Variants in DNAH9 observed in about 807,000 individuals in gnomAD.
DNAH9 encodes dynein axonemal heavy chain 9.
DNAH9 carries 345 observed loss-of-function variants against 471.6 expected under a neutral mutation model. The observed-to-expected ratio is 0.73, with a 90% CI of 0.67 to 0.80. The LOEUF (loss-of-function observed/expected upper bound fraction) is 0.80, where lower values mean the gene tolerates loss of function less well. DNAH9 is among the 30% of genes least tolerant of loss of function. The pLI is 0.00. For synonymous variants in DNAH9, 2,093 were observed against 2,123.6 expected (o/e 0.99, Z 0.40); for missense variants, 5,407 against 5,609.2 (o/e 0.96, Z 1.15).
chr17:11,724,402 T>C (rs2075116808), intron 27 of DNAH9, among the ~76,000 whole-genome samples: 1 of 152,228 alleles, frequency 6.6e-6, no homozygotes, highest in Non-Finnish European at 1.5e-5. Flanking sequence ...CTTTTTTAGC[T>C]CTCACATATG....
At chr17:11,823,594 CTAAG>C (rs1567827570) in intron 48 of DNAH9, among the ~76,000 whole-genome samples, 1 of 152,224 alleles carries the variant, frequency 6.6e-6, no homozygotes, top group African/African-American at 2.4e-5. Context: ...TCATGCATCT[CTAAG>C]TAGTCATCTA....
At chr17:11,608,799 T>C (rs940135581) in intron 2 of DNAH9, among the ~76,000 whole-genome samples, 1 of 152,112 alleles carries the variant, frequency 6.6e-6, no homozygotes. Flanking sequence ...GTCCTGGGGA[T>C]TTTTTTCTCT....
chr17:11,600,099 G>A (rs942240385), intron 1 of DNAH9, among the ~76,000 whole-genome samples: 1 of 152,118 alleles, frequency 6.6e-6, no homozygotes, highest in Admixed American at 6.5e-5. Context: ...GACACAGAGG[G>A]CCCAGGAAGC....
chr17:11,762,758 G>GTTTTTTTTTTTTTTTTTTTTTTTTTTTT lies in DNAH9; in HGVS notation c.6996-671_6996-670insTTTTTTTTTTTTTTTTTTTTTTTTTTTT, dbSNP rs111963634. Among the ~76,000 whole-genome samples the GTTTTTTTTTTTTTTTTTTTTTTTTTTTT allele has an allele frequency of 4.2e-5, 4 of 94,770 alleles. 1 individual carries two copies. The highest frequency in any genetic ancestry group is 1.4e-4 in the Admixed American group (1 of 7,294). The allele number at this position is 94,770 out of a possible 152,430, so 62.2% of individuals were successfully genotyped here. A position where few individuals can be genotyped will look rare whatever the true frequency, so the allele number is the denominator to read the frequency against. On this transcript the variant is annotated intron_variant, in intron 35 of 68. Transcript: ENST00000262442. ...GCACCAAAATTGCCTCTTTAGGTGCGTTTTTTTTTTTGTTTTTTTTTTTTT... is the reference window on the plus strand; with the variant it reads ...GCACCAAAATTGCCTCTTTAGGTGCGTTTTTTTTTTTTTTTTTTTTTTTTTTTTTTTTTTTTTTTGTTTTTTTTTTTTT...
chr17:11,966,312 A>C (rs1976719331), intron 68 of DNAH9, among the ~76,000 whole-genome samples: 2 of 152,350 alleles, frequency 1.3e-5, no homozygotes, highest in South Asian at 4.1e-4. Flanking sequence ...TGGCATAGTC[A>C]AAATGCTGAA....
At position 11,623,007 on chromosome 17, in the gene DNAH9, C is replaced by CT. The variant is rs2072901657; in HGVS notation, c.1350+3228dup. Among the ~76,000 whole-genome samples the CT allele has an allele frequency of 9.1e-6, 1 of 109,368 alleles. No individual in the cohort carries two copies. Among genetic ancestry groups the CT allele is most frequent in the Non-Finnish European group, 1.7e-5 (1 of 57,328 alleles). The allele number at this position is 109,368 out of a possible 152,430, so 71.7% of individuals were successfully genotyped here. A position where few individuals can be genotyped will look rare whatever the true frequency, so the allele number is the denominator to read the frequency against. On this transcript the variant is annotated intron_variant, in intron 6 of 68. Transcript: ENST00000262442. The surrounding 1 kb of genome is among the most constrained non-coding windows in gnomAD (Gnocchi z 4.1). The stretch of plus-strand genomic sequence containing the variant: ...TTTTTTCTCGAGATGGAGTTTTGCT[C>CT]TTGTTGCCCAGGCTGGAGTGCAGTG...
At chr17:11,967,108 T>G (rs2151458227) in intron 68 of DNAH9, among the ~76,000 whole-genome samples, 1 of 151,470 alleles carries the variant, frequency 6.6e-6, no homozygotes, top group Non-Finnish European at 1.5e-5. Flanking sequence ...ATATTTTTTG[T>G]TTTTTGTTTT....
chr17:11,608,253 AG>A lies in DNAH9; in HGVS notation c.545del (p.Gly182GlufsTer28). 1 of 1,614,010 alleles carries A rather than the reference AG, an allele frequency of 6.2e-7. No individual in the cohort carries two copies. The highest frequency in any genetic ancestry group is 8.5e-7 in the Non-Finnish European group (1 of 1,179,932). ...CDLSVILEQV[K>X]GKTLLPLPAG... ...CTCTCAGTTATACTTGAGCAAGTGA[AG>A]GGAAAAACTTTGCTGCCTCTTCCAG... On this transcript the variant is annotated frameshift_variant, in exon 2 of 69. Transcript: ENST00000262442. LOFTEE classifies it high-confidence loss of function.
chr17:11,739,137 C>T, intron 29 of DNAH9, 100 bp downstream of exon 29: 1 of 1,244,598 alleles, frequency 8.0e-7, no homozygotes, highest in South Asian at 1.6e-5. Flanking sequence ...AAATTTGGAA[C>T]ATTTGGAAAA....
At position 11,742,642 on chromosome 17, in the gene DNAH9, T is replaced by TGAGG. The variant is rs563020832; in HGVS notation, c.6111+330_6111+333dup. 2.7e-4 allele frequency among the ~76,000 whole-genome samples: 41 copies of TGAGG among 152,264 alleles called. No individual in the cohort carries two copies. The South Asian group carries it at 4.6e-3, about 17-fold the overall frequency. On this transcript the variant is annotated intron_variant, in intron 30 of 68. Coordinates refer to ENST00000262442, the MANE Select transcript of DNAH9 (RefSeq NM_001372.4). ...TGGTCTGTACCTGAAGGGGCATAGA[T>TGAGG]GAGGAGGGTTAGGGAAGCAGGTTAA...
At chr17:11,689,477 TA>T in intron 19 of DNAH9, 88 bp from the exon 20 acceptor site, 1 of 1,132,398 alleles carries the variant, frequency 8.8e-7, no homozygotes, top group Non-Finnish European at 1.3e-6. Flanking sequence ...ACCAAGCATT[TA>T]AATATTTCAG....
At chr17:11,885,377 T>G (rs920444996) in intron 56 of DNAH9, among the ~76,000 whole-genome samples, 1 of 152,196 alleles carries the variant, frequency 6.6e-6, no homozygotes, top group South Asian at 2.1e-4. Flanking sequence ...TGGCCTGAGT[T>G]TCCGTTGTAT....
intron 26 of DNAH9, among the ~76,000 whole-genome samples, chr17:11,718,712 CAATG>C (rs1468135548): frequency 6.6e-6 from 1 of 152,130 alleles, no homozygotes; most frequent in East Asian, 1.9e-4. Context: ...GGAGATTAAA[CAATG>C]AATAAGATAT....
chr17:11,718,014 C>T (rs2074994700), intron 26 of DNAH9, among the ~76,000 whole-genome samples: 1 of 149,860 alleles, frequency 6.7e-6, no homozygotes, highest in South Asian at 2.2e-4. Context: ...GCTGGAATTA[C>T]AGGCGCACTA....
At chr17:11,833,329 G>A (rs1421364156) in intron 48 of DNAH9, among the ~76,000 whole-genome samples, 1 of 152,222 alleles carries the variant, frequency 6.6e-6, no homozygotes, top group East Asian at 1.9e-4. Flanking sequence ...TAAATAAATG[G>A]AGACCAATCA....
chr17:11,676,872 A>G (rs1307066442), intron 17 of DNAH9, among the ~76,000 whole-genome samples: 1 of 152,076 alleles, frequency 6.6e-6, no homozygotes, highest in Non-Finnish European at 1.5e-5. Flanking sequence ...TATTCTCATT[A>G]CAATTTAGTT....
At chr17:11,731,754 A>G (rs2075274574) in intron 28 of DNAH9, among the ~76,000 whole-genome samples, 1 of 152,074 alleles carries the variant, frequency 6.6e-6, no homozygotes, top group South Asian at 2.1e-4. Flanking sequence ...GCTACGTAGT[A>G]TTCCATGGTG....
intron 44 of DNAH9, among the ~76,000 whole-genome samples, chr17:11,809,522 G>A (rs896174613): frequency 3.9e-5 from 6 of 152,020 alleles, no homozygotes; most frequent in African/African-American, 1.4e-4. Context: ...AGCCGAGATG[G>A]TGCCACTGCA....
intron 57 of DNAH9, 32 bp from the exon 58 acceptor site, chr17:11,891,745 T>C (rs756692839): frequency 6.2e-7 from 1 of 1,610,856 alleles, no homozygotes; most frequent in Non-Finnish European, 8.5e-7. Context: ...GAGGGCTGTG[T>C]ACCTTACCAG....
Sources: allele counts gnomAD v4.1 joint callset (sites outside exome capture counted in the v4.1 genomes callset), GRCh38; gene constraint gnomAD v4.1.1; non-coding constraint Gnocchi (gnomAD v3.1); transcripts MANE v1.5; gene names NCBI Gene and HGNC (gene_info 2026-07-23, HGNC 2026-07-21).